Variants in MPP7 observed in about 807,000 individuals in gnomAD.
The protein encoded by MPP7 is MAGUK p55 scaffold protein 7, also known as MAGUK p55 subfamily member 7.
MPP7 carries 60 observed loss-of-function variants against 76.5 expected under a neutral mutation model. The ratio of observed to expected loss-of-function variants is 0.78; its 90% confidence interval spans 0.64 to 0.97. MPP7 has a LOEUF of 0.97. Among genes scored for constraint, MPP7 ranks in the 50% least tolerant of loss-of-function variants. The probability of loss-of-function intolerance (pLI) is 0.00; values close to 1 mark genes in which losing one functional copy is unlikely to be tolerated. For missense variants in MPP7, 641 were observed against 694.0 expected (o/e 0.92, Z 0.86); for synonymous variants, 237 against 244.5 (o/e 0.97, Z 0.29).
At chr10:28,098,521 AG>A (rs2133497987) in intron 11 of MPP7, among the ~76,000 whole-genome samples, 1 of 151,496 alleles carries the variant, frequency 6.6e-6, no homozygotes, top group East Asian at 1.9e-4. Context: ...CAAAATTACT[AG>A]ATTATATAAT....
At chr10:28,176,544 C>T (rs1836866868) in intron 3 of MPP7, among the ~76,000 whole-genome samples, 1 of 151,872 alleles carries the variant, frequency 6.6e-6, no homozygotes, top group African/African-American at 2.4e-5. Flanking sequence ...ACCAGCCTGA[C>T]CAACATGGTG....
chr10:28,326,351 G>T (rs1237904641), intron 2 of MPP7, among the ~76,000 whole-genome samples: 1 of 152,182 alleles, frequency 6.6e-6, no homozygotes, highest in African/African-American at 2.4e-5. Context: ...GAAGGCAGCT[G>T]CTGTTCCTCC....
chr10:28,058,926 T>C (rs150466000), intron 14 of MPP7, among the ~76,000 whole-genome samples: 415 of 152,242 alleles, frequency 2.7e-3, no homozygotes, highest in African/African-American at 8.4e-3. Context: ...AGCCAAACAA[T>C]AGAAACTACT....
intron 1 of MPP7, among the ~76,000 whole-genome samples, chr10:28,288,559 G>C (rs1410458323): frequency 2.0e-5 from 3 of 151,982 alleles, no homozygotes; most frequent in African/African-American, 7.2e-5. Context: ...ATGTTTTATT[G>C]AATTCATAAA....
At chr10:28,110,915 A>G (rs1335101241) in intron 11 of MPP7, among the ~76,000 whole-genome samples, 2 of 152,338 alleles carry the variant, frequency 1.3e-5, no homozygotes, top group East Asian at 3.9e-4. Context: ...TTTCTGCTGC[A>G]TAAAGCAAAA....
At chr10:28,136,341 T>C (rs1173773416) in intron 5 of MPP7, among the ~76,000 whole-genome samples, 4 of 151,932 alleles carry the variant, frequency 2.6e-5, no homozygotes, top group African/African-American at 7.3e-5. Context: ...GCCAAAATGG[T>C]TGGAGAAGGT....
chr10:28,079,939 T>C (rs1006158019), intron 12 of MPP7, among the ~76,000 whole-genome samples: 1 of 151,542 alleles, frequency 6.6e-6, no homozygotes, highest in African/African-American at 2.4e-5. Flanking sequence ...CTGGCCAACA[T>C]GGTGAAACTC....
At chr10:28,131,742 T>C in intron 5 of MPP7, 51 bp from the exon 6 acceptor site, 2 of 947,810 alleles carry the variant, frequency 2.1e-6, no homozygotes, top group South Asian at 5.8e-5. Flanking sequence ...TACTTATATA[T>C]TATATGTAAT....
chr10:28,243,344 T>C (rs1243402034), intron 1 of MPP7, among the ~76,000 whole-genome samples: 1 of 152,178 alleles, frequency 6.6e-6, no homozygotes, highest in African/African-American at 2.4e-5. Context: ...TTCTATCAGC[T>C]TCTCAATGCC....
chr10:28,169,322 C>T (rs1836597430), intron 3 of MPP7, among the ~76,000 whole-genome samples: 1 of 144,956 alleles, frequency 6.9e-6, no homozygotes, highest in Non-Finnish European at 1.5e-5. Context: ...AAGACCCTGT[C>T]TCTTAAAAAA....
chr10:28,215,337 AG>A (rs780355321), intron 2 of MPP7, among the ~76,000 whole-genome samples: 1 of 148,248 alleles, frequency 6.7e-6, no homozygotes, highest in Non-Finnish European at 1.5e-5. Context: ...CAAAGAAGGG[AG>A]GAAAAAAAAA....
intron 1 of MPP7, among the ~76,000 whole-genome samples, chr10:28,259,550 G>A (rs1407849048): frequency 6.7e-6 from 1 of 149,272 alleles, no homozygotes; most frequent in Non-Finnish European, 1.5e-5. Flanking sequence ...TTGCACCACT[G>A]CACTCCAGCC....
Position 28,053,825 on chromosome 10 carries a change from C to T in MPP7, c.*240G>A, listed in dbSNP as rs1474742025. On this transcript the variant is annotated 3_prime_UTR_variant, in exon 17 of 17. Coordinates refer to ENST00000683449, the MANE Select transcript of MPP7 (RefSeq NM_001318170.2). ...GGAGATAGAGCGGTATTGAAGACAACGAGAAGGTTTGAGGTTTTGCTTAGA... is the reference window on the plus strand; with the variant it reads ...GGAGATAGAGCGGTATTGAAGACAATGAGAAGGTTTGAGGTTTTGCTTAGA... The T allele has an allele frequency of 2.5e-5, 12 of 483,866 alleles. No individual in the cohort carries two copies. Among genetic ancestry groups the T allele is most frequent in the Middle Eastern group, 5.3e-4 (1 of 1,886 alleles). 30.0% of individuals were successfully genotyped at this position (483,866 alleles called of 1,614,324 possible). A position where few individuals can be genotyped will look rare whatever the true frequency, so the allele number is the denominator to read the frequency against.
rs1043682117 is a variant in MPP7, at chr10:28,069,933, C to T, written c.1124-81G>A. The T allele has an allele frequency of 2.0e-5, 20 of 1,002,158 alleles. No homozygotes were observed. In the Admixed American group the frequency reaches 3.7e-4, roughly 18 times the overall value. 62.1% of individuals were successfully genotyped at this position (1,002,158 alleles called of 1,614,324 possible). On this transcript the variant is annotated intron_variant, in intron 12 of 16. Transcript: ENST00000683449. ...CTGTAACTGACATGAGTCTCTAAGA[C>T]AGACTGAAAACATGGATCCAGCTTT...
At chr10:28,121,955 C>T (rs574611399) in intron 8 of MPP7, among the ~76,000 whole-genome samples, 3 of 152,184 alleles carry the variant, frequency 2.0e-5, no homozygotes, top group Admixed American at 6.5e-5. Context: ...AGCTCTGGGC[C>T]GAGCCTTAAG....
intron 3 of MPP7, among the ~76,000 whole-genome samples, chr10:28,161,464 T>A (rs1392300080): frequency 6.6e-6 from 1 of 152,018 alleles, no homozygotes; most frequent in Non-Finnish European, 1.5e-5. Flanking sequence ...AATTCTTTTT[T>A]CAATAGAACA....
At chr10:28,197,461 G>A (rs777862452) in intron 3 of MPP7, among the ~76,000 whole-genome samples, 1 of 152,086 alleles carries the variant, frequency 6.6e-6, no homozygotes, top group Non-Finnish European at 1.5e-5. Flanking sequence ...GGGATTACAG[G>A]CATGAGCCAC....
chr10:28,285,709 C>G (rs528860770), intron 1 of MPP7, among the ~76,000 whole-genome samples: 16 of 152,190 alleles, frequency 1.1e-4, no homozygotes, highest in African/African-American at 3.9e-4. Flanking sequence ...CAGGCCACCA[C>G]CTACGAAGTA....
chr10:28,255,345 C>T (rs1839750147), intron 1 of MPP7, among the ~76,000 whole-genome samples: 1 of 151,910 alleles, frequency 6.6e-6, no homozygotes. Context: ...AACTCCTGAC[C>T]TCAAATGATC....
Sources: gnomAD v4.1 joint callset for allele counts (sites outside exome capture counted in the v4.1 genomes callset) on GRCh38, gnomAD v4.1.1 for gene constraint, MANE v1.5 for transcripts, NCBI Gene and HGNC (gene_info 2026-07-23, HGNC 2026-07-21) for gene names.